The following ANK2 variants were observed in gnomAD, a reference collection of about 807,000 sequenced individuals.
ANK2 encodes ankyrin-2.
A neutral mutation model predicts 360.5 loss-of-function variants in ANK2; 83 were observed. The ratio of observed to expected loss-of-function variants is 0.23; its 90% confidence interval spans 0.19 to 0.28. The LOEUF (loss-of-function observed/expected upper bound fraction) is 0.28. Among genes scored for constraint, ANK2 ranks in the 10% least tolerant of loss-of-function variants. The pLI is 1.00. For missense variants in ANK2, 4,201 were observed against 4,795.7 expected (o/e 0.88, Z 3.66); for synonymous variants, 1,740 against 1,759.5 (o/e 0.99, Z 0.28).
chr4:112,910,254 G>A (rs543249146), intron 2 of ANK2, among the ~76,000 whole-genome samples: 1 of 152,250 alleles, frequency 6.6e-6, no homozygotes, highest in African/African-American at 2.4e-5. Flanking sequence ...CCTCAGCTGG[G>A]GCTGTTCAGT....
chr4:113,310,073 C>A (rs1254148314), intron 23 of ANK2, among the ~76,000 whole-genome samples: 1 of 152,092 alleles, frequency 6.6e-6, no homozygotes, highest in East Asian at 1.9e-4. Context: ...TTTCTTCACC[C>A]TTATAAACCT....
At chr4:113,324,823 A>G (rs2153889473) in intron 26 of ANK2, among the ~76,000 whole-genome samples, 1 of 152,288 alleles carries the variant, frequency 6.6e-6, no homozygotes, top group African/African-American at 2.4e-5. Context: ...TCTTTCAACT[A>G]ACTCTGAATG....
In ANK2 at chr4:113,355,204, G is replaced by T; in HGVS notation, c.6586G>T (p.Gly2196Cys). The stretch of plus-strand genomic sequence containing the variant: ...CCTTCCAGCTCTGTCTTTACAAAGC[G>T]GTGCTTTAGATGGCAGTTCTGAAAG... ...EFLPALSLQS[G>C]ALDGSSESLK... Residue 2196 changes from glycine to cysteine, a missense_variant, in exon 38 of 46, where the codon GGT (glycine) becomes TGT (cysteine). Physicochemically the swap from Gly to Cys is radical, Grantham distance 159 (BLOSUM62 -3). This residue lies in a region of ANK2 where 2,642 missense variants were observed against 2,714.5 expected (regional missense o/e 0.97). Transcript: ENST00000357077. The T allele has an allele frequency of 6.2e-7, 1 of 1,614,056 alleles. No homozygotes were observed. Among genetic ancestry groups the T allele is most frequent in the Non-Finnish European group, 8.5e-7 (1 of 1,179,962 alleles).
At chr4:113,278,325 T>C in intron 16 of ANK2, 135 bp from the exon 17 acceptor site, 1 of 770,154 alleles carries the variant, frequency 1.3e-6, no homozygotes. Context: ...ATTTGTTTAT[T>C]TTCGTTCTTT....
intron 1 of ANK2, among the ~76,000 whole-genome samples, chr4:113,143,778 C>T (rs2096730547): frequency 6.6e-6 from 1 of 152,176 alleles, no homozygotes; most frequent in African/African-American, 2.4e-5. Flanking sequence ...GTTAAAACCA[C>T]ATCTTAGTAA....
At chr4:112,755,949 A>G in the ANK2 span, 469 of 151,712 alleles carry the variant, frequency 3.1e-3, 2 homozygotes, top group Non-Finnish European at 2.1e-3. Context: ...TTATTAAGAC[A>G]CAGTCATTGG....
intron 1 of ANK2, among the ~76,000 whole-genome samples, chr4:112,838,191 G>A (rs1193879782): frequency 6.6e-6 from 1 of 152,158 alleles, no homozygotes; most frequent in Admixed American, 6.5e-5. Context: ...TTTAAAGTGT[G>A]GCACTTCCTC....
intron 1 of ANK2, among the ~76,000 whole-genome samples, chr4:112,871,949 C>T (rs1489567435): frequency 2.6e-5 from 4 of 151,620 alleles, no homozygotes; most frequent in Non-Finnish European, 5.9e-5. Flanking sequence ...AGACTCCACT[C>T]GGTTGTGATA....
intron 10 of ANK2, among the ~76,000 whole-genome samples, chr4:113,250,220 C>A (rs2045394500): frequency 6.6e-6 from 1 of 152,104 alleles, no homozygotes; most frequent in Non-Finnish European, 1.5e-5. Flanking sequence ...ATAAAATTAT[C>A]TTTTAAAGCA....
chr4:112,984,565 G>T (rs1196337701), intron 2 of ANK2, among the ~76,000 whole-genome samples: 2 of 152,138 alleles, frequency 1.3e-5, no homozygotes, highest in East Asian at 1.9e-4. Context: ...GATGAGATTT[G>T]GGTGGGGACA....
At chr4:112,765,221 C>G in the ANK2 span, among the ~76,000 whole-genome samples, 1 of 152,286 alleles carries the variant, frequency 6.6e-6, no homozygotes, top group African/African-American at 2.4e-5. Context: ...CATCTAAGAT[C>G]TAGTCTGTGT....
In ANK2 at chr4:113,120,439, G is replaced by A. The variant is rs374281770; in HGVS notation, c.85-53977G>A. ...TTTATCAGCGTTTTCACAAATTTGC[G>A]AGACTTAGTTCTAAAAAGTGATTTG... On this transcript the variant is annotated intron_variant, in intron 1 of 45. Transcript: ENST00000357077. Among the ~76,000 whole-genome samples the A allele has an allele frequency of 2.6e-5, 4 of 152,180 alleles. No homozygotes were observed. The South Asian group carries it at 8.3e-4, about 32-fold the overall frequency.
chr4:113,078,893 C>A (rs2081213993), intron 1 of ANK2, among the ~76,000 whole-genome samples: 5 of 152,180 alleles, frequency 3.3e-5, no homozygotes, highest in Admixed American at 3.3e-4. Flanking sequence ...TTCTTAAACT[C>A]ATATTTTAAT....
intron 1 of ANK2, among the ~76,000 whole-genome samples, chr4:113,161,061 A>T (rs2097517815): frequency 6.6e-6 from 1 of 152,200 alleles, no homozygotes; most frequent in African/African-American, 2.4e-5. Flanking sequence ...TTAAAAGAAG[A>T]TCTTGGGCAT....
intron 1 of ANK2, among the ~76,000 whole-genome samples, chr4:113,095,271 T>G (rs1581402274): frequency 6.6e-6 from 1 of 152,320 alleles, no homozygotes; most frequent in East Asian, 1.9e-4. Flanking sequence ...TTAGGCTGCA[T>G]TTTTTTCTAC....
the ANK2 span, among the ~76,000 whole-genome samples, chr4:112,723,682 C>T: frequency 6.6e-6 from 1 of 152,116 alleles, no homozygotes; most frequent in Admixed American, 6.5e-5. Flanking sequence ...TTTTAATTAG[C>T]TGTCTCGTCA....
chr4:113,021,968 CT>C (rs1485372733), intron 2 of ANK2, among the ~76,000 whole-genome samples: 1 of 152,128 alleles, frequency 6.6e-6, no homozygotes, highest in African/African-American at 2.4e-5. Context: ...CCATTTCCCT[CT>C]TTTTAAAACC....
chr4:112,739,807 A>G, the ANK2 span, among the ~76,000 whole-genome samples: 2,571 of 152,174 alleles, frequency 0.017, 60 homozygotes, highest in African/African-American at 0.057. Context: ...ATATTTAAAG[A>G]CCAAGACCAG....
chr4:113,050,861 G>T (rs2066649679), intron 1 of ANK2, among the ~76,000 whole-genome samples: 1 of 152,142 alleles, frequency 6.6e-6, no homozygotes, highest in Non-Finnish European at 1.5e-5. Context: ...GATGTCTAGT[G>T]TACTAAATGT....
Sources: allele counts gnomAD v4.1 joint callset (sites outside exome capture counted in the v4.1 genomes callset), GRCh38; gene constraint gnomAD v4.1.1; regional missense constraint gnomAD v4.1.1; transcripts MANE v1.5; gene names NCBI Gene and HGNC (gene_info 2026-07-23, HGNC 2026-07-21).